ITPR2: variants seen among roughly 807,000 people sequenced by gnomAD.
ITPR2 encodes inositol 1,4,5-trisphosphate-gated calcium channel ITPR2.
ITPR2 carries 207 observed loss-of-function variants against 317.1 expected under a neutral mutation model. The observed-to-expected ratio is 0.65, with a 90% confidence interval of 0.58 to 0.73. The LOEUF is 0.73. ITPR2 is among the 30% of genes least tolerant of loss of function. The pLI is 0.00. For missense variants in ITPR2, 2,613 were observed against 3,284.0 expected (o/e 0.80, Z 4.99); for synonymous variants, 1,156 against 1,149.1 (o/e 1.01, Z -0.12).
intron 55 of ITPR2, among the ~76,000 whole-genome samples, chr12:26,341,046 C>G (rs1251010791): frequency 3.3e-5 from 5 of 152,274 alleles, no homozygotes. Context: ...ATGCTTTCTT[C>G]AAGACTCTGC....
In ITPR2 at chr12:26,484,039, G is replaced by A. The variant is rs574565511; in HGVS notation, c.5812-141C>T. 1,062 of 692,364 alleles carry A rather than the reference G, an allele frequency of 1.5e-3. 1 individual carries two copies. The highest frequency in any genetic ancestry group is 2.4e-3 in the Non-Finnish European group (983 of 418,016). 42.9% of individuals were successfully genotyped at this position (692,364 alleles called of 1,614,324 possible). A position where few individuals can be genotyped will look rare whatever the true frequency, so the allele number is the denominator to read the frequency against. ...TTTATTAAAACTGTCCTCCACTTAA[G>A]GAGGGAGAAACGCCCTTAGGTTTTT... On this transcript the variant is annotated intron_variant, in intron 41 of 56. Coordinates refer to ENST00000381340, the MANE Select transcript of ITPR2 (RefSeq NM_002223.4).
chr12:26,429,137 T>G (rs1240774943), intron 48 of ITPR2, among the ~76,000 whole-genome samples: 1 of 152,250 alleles, frequency 6.6e-6, no homozygotes, highest in African/African-American at 2.4e-5. Context: ...GAATTCTGTA[T>G]AAACTCTTAG....
chr12:26,814,138 G>A (rs1351187681), intron 1 of ITPR2, among the ~76,000 whole-genome samples: 1 of 152,178 alleles, frequency 6.6e-6, no homozygotes, highest in East Asian at 1.9e-4. Flanking sequence ...CAGCTCTGGT[G>A]TAAGAGGACA....
intron 26 of ITPR2, among the ~76,000 whole-genome samples, chr12:26,603,932 G>A (rs1321453106): frequency 6.6e-6 from 1 of 152,114 alleles, no homozygotes; most frequent in Admixed American, 6.5e-5. Flanking sequence ...CACTTGGGAG[G>A]CATGTCAAGT....
chr12:26,352,156 C>G (rs1263861323), intron 55 of ITPR2, among the ~76,000 whole-genome samples: 1 of 152,206 alleles, frequency 6.6e-6, no homozygotes, highest in Non-Finnish European at 1.5e-5. Context: ...TGTCTGCCCT[C>G]CCTGTGGCAG....
At chr12:26,616,232 G>T (rs1229418647) in intron 26 of ITPR2, among the ~76,000 whole-genome samples, 1 of 151,980 alleles carries the variant, frequency 6.6e-6, no homozygotes, top group African/African-American at 2.4e-5. Flanking sequence ...CCGCCTCCCG[G>T]GTTCACGCCA....
Position 26,340,206 on chromosome 12 carries a change from G to T in ITPR2, c.7980C>A (p.Val2660=). The T allele has an allele frequency of 6.2e-7, 1 of 1,609,400 alleles. No individual in the cohort carries two copies. The highest frequency in any genetic ancestry group is 1.1e-5 in the South Asian group (1 of 89,664). Residue 2660 remains valine (V), a synonymous_variant, in exon 56 of 57, where the codon GTC becomes GTA. Transcript: ENST00000381340. The part of the protein sequence containing the change: ...QEKLESTMSL[V]KQLSGQLAEL... The stretch of plus-strand genomic sequence containing the variant: ...CCGCCAGCTGACCCGACAGCTGTTT[G>T]ACCAGACTCATGGTCGATTCCAACT...
At chr12:26,647,580 C>G (rs149180572) in intron 21 of ITPR2, among the ~76,000 whole-genome samples, 1 of 152,302 alleles carries the variant, frequency 6.6e-6, no homozygotes, top group African/African-American at 2.4e-5. Flanking sequence ...CTTTTAACTT[C>G]TATAAGTGAC....
intron 1 of ITPR2, among the ~76,000 whole-genome samples, chr12:26,811,465 G>A (rs893486905): frequency 6.7e-6 from 1 of 149,342 alleles, no homozygotes; most frequent in African/African-American, 2.5e-5. Context: ...CAAAAAATTG[G>A]TTGGGCGCGG....
At chr12:26,504,830 G>A (rs574274179) in intron 37 of ITPR2, among the ~76,000 whole-genome samples, 2 of 152,132 alleles carry the variant, frequency 1.3e-5, no homozygotes, top group South Asian at 2.1e-4. Flanking sequence ...CAAGTGACAG[G>A]AAAATTGACA....
At chr12:26,383,694 C>A (rs1416639091) in intron 55 of ITPR2, among the ~76,000 whole-genome samples, 4 of 143,474 alleles carry the variant, frequency 2.8e-5, no homozygotes, top group African/African-American at 1.1e-4. Context: ...GATGGGGTTT[C>A]ACCGCATTAG....
At chr12:26,488,436 G>T (rs1010463253) in intron 39 of ITPR2, among the ~76,000 whole-genome samples, 1 of 151,976 alleles carries the variant, frequency 6.6e-6, no homozygotes, top group Non-Finnish European at 1.5e-5. Context: ...CTGTAACTGA[G>T]ACTCTAATGA....
intron 51 of ITPR2, among the ~76,000 whole-genome samples, chr12:26,412,480 G>A (rs1349172124): frequency 6.6e-6 from 1 of 152,168 alleles, no homozygotes; most frequent in Non-Finnish European, 1.5e-5. Flanking sequence ...GTGCCCTGTG[G>A]CCATTCCCTT....
chr12:26,782,505 C>T (rs1950115703), intron 2 of ITPR2, among the ~76,000 whole-genome samples: 2 of 152,062 alleles, frequency 1.3e-5, no homozygotes, highest in African/African-American at 4.8e-5. Flanking sequence ...ATCAATGTGG[C>T]TTTATACGAC....
rs1415156137 is a variant in ITPR2 at position 26,494,235 on chromosome 12, A to G, written c.5288T>C (p.Val1763Ala). 2 of 1,613,674 alleles carry G rather than the reference A, an allele frequency of 1.2e-6. No homozygotes were observed. Among genetic ancestry groups the G allele is most frequent in the Admixed American group, 3.3e-5 (2 of 59,978 alleles). The change falls in exon 39 of 57, where the codon GTG becomes GCG. Residue 1763 changes from valine to alanine, a missense_variant. Around this residue, in one of 9 missense-constraint regions of ITPR2, gnomAD observed 926 missense variants for 1,072.8 expected, o/e 0.86. Coordinates refer to ENST00000381340, the MANE Select transcript of ITPR2 (RefSeq NM_002223.4). ...GASELVIDVIVNTKNDRIFSE... is the reference protein window; with the variant it reads ...GASELVIDVIANTKNDRIFSE... Reference sequence around the variant, plus strand: ...AAAAATTCTGTCATTTTTGGTGTTCACTATAACATCGATGACAAGTTCTGA... The same window carrying G: ...AAAAATTCTGTCATTTTTGGTGTTCGCTATAACATCGATGACAAGTTCTGA...
intron 26 of ITPR2, among the ~76,000 whole-genome samples, chr12:26,617,708 G>A (rs1946401665): frequency 8.1e-6 from 1 of 123,794 alleles, no homozygotes; most frequent in Non-Finnish European, 1.7e-5. Context: ...AGGAGAGAAG[G>A]AAGGAGGGAA....
intron 9 of ITPR2, among the ~76,000 whole-genome samples, chr12:26,696,847 G>T (rs1948361698): frequency 6.6e-6 from 1 of 152,136 alleles, no homozygotes; most frequent in African/African-American, 2.4e-5. Flanking sequence ...TCTATCACTG[G>T]CAAGCTGCCA....
chr12:26,436,372 C>T (rs1389525559), intron 47 of ITPR2, 26 bp from the exon 48 acceptor site: 2 of 1,592,948 alleles, frequency 1.3e-6, no homozygotes, highest in African/African-American at 2.7e-5. Context: ...TGTAAAGGAA[C>T]TGAACAGGAA....
chr12:26,700,804 T>C (rs1948431569), intron 9 of ITPR2, among the ~76,000 whole-genome samples: 1 of 152,110 alleles, frequency 6.6e-6, no homozygotes, highest in South Asian at 2.1e-4. Context: ...AAGATAATAA[T>C]GCTGGAATAA....
Sources: gnomAD v4.1 joint callset for allele counts (sites outside exome capture counted in the v4.1 genomes callset) on GRCh38, gnomAD v4.1.1 for gene constraint, gnomAD v4.1.1 regional missense constraint, MANE v1.5 for transcripts, NCBI Gene and HGNC (gene_info 2026-07-23, HGNC 2026-07-21) for gene names.